Variants in ZDHHC3 observed in about 807,000 individuals in gnomAD.
ZDHHC3 encodes the protein zDHHC palmitoyltransferase 3.
A neutral mutation model predicts 30.6 loss-of-function variants in ZDHHC3; 9 were observed. That is an observed-to-expected ratio of 0.29 (90% confidence interval 0.18 to 0.51). The LOEUF (loss-of-function observed/expected upper bound fraction) is 0.51, where lower values mean the gene tolerates loss of function less well. Ranked by LOEUF, ZDHHC3 falls within the 20% of genes least tolerant of loss-of-function variation. The probability of loss-of-function intolerance (pLI) is 0.97; values close to 1 mark genes in which losing one functional copy is unlikely to be tolerated. For synonymous variants in ZDHHC3, 136 were observed against 140.2 expected, an observed-to-expected ratio of 0.97 and a Z score of 0.21; for missense variants, 246 against 384.2, an observed-to-expected ratio of 0.64 and a Z score of 3.01.
rs1575761580 is a variant in ZDHHC3 at position 44,923,168 on chromosome 3, C to T, written c.*3521G>A. ...TTGGCTCACTGCAAGCTCCACTTCC[C>T]GGGTTCACGCCATTCTCCTGCCTCA... is the stretch of plus-strand genomic sequence containing the variant. On this transcript the variant is annotated 3_prime_UTR_variant, in exon 7 of 7. Coordinates refer to ENST00000424952, the MANE Select transcript of ZDHHC3 (RefSeq NM_001135179.2). 8 of 889,492 alleles carry T rather than the reference C, an allele frequency of 9.0e-6. No individual in the cohort carries two copies. Among genetic ancestry groups the T allele is most frequent in the African/African-American group, 5.4e-5 (3 of 55,096 alleles). 55.1% of individuals were successfully genotyped at this position (889,492 alleles called of 1,614,324 possible). A position where few individuals can be genotyped will look rare whatever the true frequency, so the allele number is the denominator to read the frequency against.
At position 44,920,998 on chromosome 3, in the gene ZDHHC3, A is replaced by G. The variant is rs1332271767; in HGVS notation, c.*5691T>C. ...GTGGATTTAAAGGGATCCTGCAGGCAAAGTTCTTAAGCTTGAGGTTTGCAG... is the reference window on the plus strand; with the variant it reads ...GTGGATTTAAAGGGATCCTGCAGGCGAAGTTCTTAAGCTTGAGGTTTGCAG... On this transcript the variant is annotated 3_prime_UTR_variant, in exon 7 of 7. Coordinates refer to ENST00000424952, the MANE Select transcript of ZDHHC3 (RefSeq NM_001135179.2). 4 of 985,356 alleles carry G rather than the reference A, an allele frequency of 4.1e-6. No individual in the cohort carries two copies. The African/African-American group carries it at 7.0e-5, about 17-fold the overall frequency. The allele number at this position is 985,356 out of a possible 1,614,324, so 61.0% of individuals were successfully genotyped here. A position where few individuals can be genotyped will look rare whatever the true frequency, so the allele number is the denominator to read the frequency against.
chr3:44,918,459 T>C lies in ZDHHC3; in HGVS notation c.*8230A>G, dbSNP rs1700360350. 8 of 985,338 alleles carry C rather than the reference T, an allele frequency of 8.1e-6. No individual in the cohort carries two copies. The highest frequency in any genetic ancestry group is 9.6e-6 in the Non-Finnish European group (8 of 829,898). 61.0% of individuals were successfully genotyped at this position (985,338 alleles called of 1,614,324 possible). ...CTTCCACAAGTGCAATGCCAGATGA[T>C]GGGCAGGGGCTAGGCTGATGAGTGG... is the stretch of plus-strand genomic sequence containing the variant. On this transcript the variant is annotated 3_prime_UTR_variant, in exon 7 of 7. Coordinates refer to ENST00000424952, the MANE Select transcript of ZDHHC3 (RefSeq NM_001135179.2).
At position 44,923,001 on chromosome 3, in the gene ZDHHC3, TG is replaced by T. The variant is rs1700712455; in HGVS notation, c.*3687del. 2.0e-6 allele frequency: 2 copies of T among 985,312 alleles called. No individual in the cohort carries two copies. Among genetic ancestry groups the T allele is most frequent in the African/African-American group, 3.5e-5 (2 of 57,314 alleles). The allele number at this position is 985,312 out of a possible 1,614,324, so 61.0% of individuals were successfully genotyped here. A position where few individuals can be genotyped will look rare whatever the true frequency, so the allele number is the denominator to read the frequency against. ...GAGAGAAATTTAAAACCCATTAGCC[TG>T]GCTGAGAAAGCCCATCCCAGCCCAC... On this transcript the variant is annotated 3_prime_UTR_variant, in exon 7 of 7. Transcript: ENST00000424952.
chr3:44,956,901 C>T (rs763968780), intron 2 of ZDHHC3, among the ~76,000 whole-genome samples: 16 of 152,202 alleles, frequency 1.1e-4, no homozygotes, highest in Non-Finnish European at 1.6e-4. Flanking sequence ...CCAGGCCCTG[C>T]ACAATCTGGC....
At position 44,924,345 on chromosome 3, in the gene ZDHHC3, C is replaced by G; in HGVS notation, c.*2344G>C. ...ATTGTGCTCTTGGCAAAATATCAGT[C>G]TGAACAAAAATGAAATAGGAAAAAT... On this transcript the variant is annotated 3_prime_UTR_variant, in exon 7 of 7. Coordinates refer to ENST00000424952, the MANE Select transcript of ZDHHC3 (RefSeq NM_001135179.2). The G allele has an allele frequency of 2.0e-6, 2 of 985,380 alleles. No individual in the cohort carries two copies. The highest frequency in any genetic ancestry group is 2.4e-6 in the Non-Finnish European group (2 of 829,928). The allele number at this position is 985,380 out of a possible 1,614,324, so 61.0% of individuals were successfully genotyped here. A position where few individuals can be genotyped will look rare whatever the true frequency, so the allele number is the denominator to read the frequency against.
intron 1 of ZDHHC3, among the ~76,000 whole-genome samples, chr3:44,963,608 A>G (rs1196600617): frequency 6.6e-6 from 1 of 152,122 alleles, no homozygotes; most frequent in African/African-American, 2.4e-5. Context: ...TCTATTTTGA[A>G]TTAGAGAAAC....
At chr3:44,948,755 A>C (rs188856167) in intron 2 of ZDHHC3, among the ~76,000 whole-genome samples, 57 of 152,290 alleles carry the variant, frequency 3.7e-4, no homozygotes, top group Middle Eastern at 3.4e-3. Context: ...AGGTGGGCCT[A>C]CAGATCTCCT....
Position 44,921,971 on chromosome 3 carries a change from T to A in ZDHHC3, c.*4718A>T, listed in dbSNP as rs1700625271. The stretch of plus-strand genomic sequence containing the variant: ...CACTCCTTGGATCAGCTTCATCGGC[T>A]CCTCCTGTGGGCCCAACAGAGCGGG... On this transcript the variant is annotated 3_prime_UTR_variant, in exon 7 of 7. Coordinates refer to ENST00000424952, the MANE Select transcript of ZDHHC3 (RefSeq NM_001135179.2). 2.0e-6 allele frequency: 2 copies of A among 985,268 alleles called. No individual in the cohort carries two copies. The highest frequency in any genetic ancestry group is 2.4e-6 in the Non-Finnish European group (2 of 829,938). 61.0% of individuals were successfully genotyped at this position (985,268 alleles called of 1,614,324 possible). A position where few individuals can be genotyped will look rare whatever the true frequency, so the allele number is the denominator to read the frequency against.
At chr3:44,963,350 T>TA (rs1704644225) in intron 1 of ZDHHC3, among the ~76,000 whole-genome samples, 2 of 152,102 alleles carry the variant, frequency 1.3e-5, no homozygotes, top group South Asian at 2.1e-4. Flanking sequence ...ATTCCACACT[T>TA]AGAGTTTCAA....
intron 5 of ZDHHC3, among the ~76,000 whole-genome samples, chr3:44,929,679 C>T (rs1701319569): frequency 6.6e-6 from 1 of 152,228 alleles, no homozygotes; most frequent in African/African-American, 2.4e-5. Flanking sequence ...TTCCCTAACA[C>T]AAATCATTCC....
At chr3:44,930,215 T>C (rs1324456682) in intron 5 of ZDHHC3, among the ~76,000 whole-genome samples, 1 of 152,184 alleles carries the variant, frequency 6.6e-6, no homozygotes, top group Admixed American at 6.5e-5. Flanking sequence ...AGAGGTATGG[T>C]TTGCTTTTAA....
At chr3:44,933,313 G>C (rs1450826305) in intron 4 of ZDHHC3, 114 bp from the exon 5 acceptor site, 2 of 933,058 alleles carry the variant, frequency 2.1e-6, no homozygotes, top group Non-Finnish European at 3.4e-6. Context: ...TCAGGACAAG[G>C]CCTGACCAGG....
rs986504814 is a variant in ZDHHC3, at chr3:44,926,478, T to C, written c.*211A>G. The C allele has an allele frequency of 2.3e-6, 3 of 1,281,508 alleles. No homozygotes were observed. The highest frequency in any genetic ancestry group is 2.9e-6 in the Non-Finnish European group (3 of 1,017,786). 79.4% of individuals were successfully genotyped at this position (1,281,508 alleles called of 1,614,324 possible). A position where few individuals can be genotyped will look rare whatever the true frequency, so the allele number is the denominator to read the frequency against. The stretch of plus-strand genomic sequence containing the variant: ...TAAAAGGAAAAGAGAGCAGCTTCGG[T>C]CACCAAAAGAAATCGAAAGGATGGT... On this transcript the variant is annotated 3_prime_UTR_variant, in exon 7 of 7. Transcript: ENST00000424952.
At position 44,921,891 on chromosome 3, in the gene ZDHHC3, G is replaced by C; in HGVS notation, c.*4798C>G. The C allele has an allele frequency of 3.0e-6, 3 of 985,414 alleles. No individual in the cohort carries two copies. Among genetic ancestry groups the C allele is most frequent in the South Asian group, 9.4e-5 (2 of 21,290 alleles). 61.0% of individuals were successfully genotyped at this position (985,414 alleles called of 1,614,324 possible). ...AGGGCATCCTTATGTCCGTGTTAGAGCATGTGCGGCCCCTAGAAGGCTTTT... is the reference window on the plus strand; with the variant it reads ...AGGGCATCCTTATGTCCGTGTTAGACCATGTGCGGCCCCTAGAAGGCTTTT... On this transcript the variant is annotated 3_prime_UTR_variant, in exon 7 of 7. Coordinates refer to ENST00000424952, the MANE Select transcript of ZDHHC3 (RefSeq NM_001135179.2).
In ZDHHC3 at chr3:44,959,214, A is replaced by T; in HGVS notation, c.223T>A (p.Tyr75Asn). 6.2e-7 allele frequency: 1 copy of T among 1,614,260 alleles called. No homozygotes were observed. The highest frequency in any genetic ancestry group is 8.5e-7 in the Non-Finnish European group (1 of 1,180,044). The part of the protein sequence containing the change: ...VMLIPSRDYV[Y>N]SIINGIVFNL... ...AACACAATTCCGTTGATGATGCTATACACGTAGTCTCGAGATGGAATCAGC... is the reference window on the plus strand; with the variant it reads ...AACACAATTCCGTTGATGATGCTATTCACGTAGTCTCGAGATGGAATCAGC... The change falls in exon 2 of 7, where the codon TAT becomes AAT. Residue 75 changes from tyrosine to asparagine, a missense_variant. Tyr to Asn is a moderately radical substitution (Grantham distance 143). Coordinates refer to ENST00000424952, the MANE Select transcript of ZDHHC3 (RefSeq NM_001135179.2). The surrounding 1 kb of genome is among the most constrained non-coding windows in gnomAD (Gnocchi z 4.3).
chr3:44,958,470 G>T, intron 2 of ZDHHC3: 2 of 874,734 alleles, frequency 2.3e-6, no homozygotes, highest in Non-Finnish European at 3.7e-6. Context: ...ACAAGAAAAG[G>T]AACAGAACAG....
intron 2 of ZDHHC3, among the ~76,000 whole-genome samples, chr3:44,951,981 C>T (rs1024406587): frequency 6.6e-6 from 1 of 152,166 alleles, no homozygotes; most frequent in Non-Finnish European, 1.5e-5. Context: ...GCTCATTCTG[C>T]ACTCTCTCCT....
At chr3:44,966,209 G>A (rs1704939784) in intron 1 of ZDHHC3, among the ~76,000 whole-genome samples, 1 of 152,224 alleles carries the variant, frequency 6.6e-6, no homozygotes, top group Non-Finnish European at 1.5e-5. Context: ...CAGCCTCTTA[G>A]CAGATGTCAT....
At chr3:44,971,731 T>C (rs1403146577) in intron 1 of ZDHHC3, among the ~76,000 whole-genome samples, 1 of 152,212 alleles carries the variant, frequency 6.6e-6, no homozygotes, top group Non-Finnish European at 1.5e-5. Context: ...GAAGACTGTA[T>C]AACTTTTCCT....
Sources: gnomAD v4.1 joint callset for allele counts (sites outside exome capture counted in the v4.1 genomes callset) on GRCh38, gnomAD v4.1.1 for gene constraint, Gnocchi (gnomAD v3.1) non-coding constraint, MANE v1.5 for transcripts, NCBI Gene and HGNC (gene_info 2026-07-23, HGNC 2026-07-21) for gene names.